The following ARFGEF1 variants were observed in gnomAD, a reference collection of about 807,000 sequenced individuals.
ARFGEF1 encodes brefeldin A-inhibited guanine nucleotide-exchange protein 1.
In ARFGEF1, 42 loss-of-function variants were observed where a neutral mutation model predicts 231.0. The observed-to-expected ratio is 0.18, with a 90% CI of 0.14 to 0.24. ARFGEF1 has a LOEUF of 0.24. ARFGEF1 is among the 10% of genes least tolerant of loss of function. The probability of loss-of-function intolerance (pLI) is 1.00; values close to 1 mark genes in which losing one functional copy is unlikely to be tolerated. For missense variants in ARFGEF1, 1,345 were observed against 2,192.0 expected, an observed-to-expected ratio of 0.61 and a Z score of 7.72; for synonymous variants, 710 against 732.3, an observed-to-expected ratio of 0.97 and a Z score of 0.49.
At chr8:67,338,975 A>C (rs1363197531) in intron 1 of ARFGEF1, among the ~76,000 whole-genome samples, 1 of 152,204 alleles carries the variant, frequency 6.6e-6, no homozygotes, top group African/African-American at 2.4e-5. Flanking sequence ...GCATTCAAGT[A>C]ATTTCCCCTC....
At chr8:67,312,720 C>T (rs1328137243) in intron 1 of ARFGEF1, among the ~76,000 whole-genome samples, 2 of 152,122 alleles carry the variant, frequency 1.3e-5, no homozygotes, top group African/African-American at 4.8e-5. Flanking sequence ...AAAACACTGT[C>T]TTATGTGGTT....
intron 33 of ARFGEF1, among the ~76,000 whole-genome samples, chr8:67,213,305 A>G (rs1248566454): frequency 1.3e-5 from 2 of 152,214 alleles, no homozygotes; most frequent in Non-Finnish European, 2.9e-5. Flanking sequence ...GAACAGTACA[A>G]ATTTGAAAAG....
intron 19 of ARFGEF1, among the ~76,000 whole-genome samples, chr8:67,244,179 G>A (rs561948244): frequency 7.1e-6 from 1 of 141,182 alleles, no homozygotes; most frequent in East Asian, 2.2e-4. Flanking sequence ...GGAGGCGGAG[G>A]TTGCAATGAG....
chr8:67,299,473 A>C (rs1191927332), intron 3 of ARFGEF1, 118 bp from the exon 4 acceptor site: 2 of 940,308 alleles, frequency 2.1e-6, no homozygotes, highest in Non-Finnish European at 3.0e-6. Flanking sequence ...TTTACACAAA[A>C]ACATAAAGGT....
intron 15 of ARFGEF1, among the ~76,000 whole-genome samples, chr8:67,259,278 G>A (rs1840565620): frequency 1.3e-5 from 2 of 152,204 alleles, no homozygotes; most frequent in South Asian, 4.1e-4. Flanking sequence ...CCACGCTGGA[G>A]TGCAGTGGTG....
chr8:67,213,110 G>A (rs1310978290), intron 33 of ARFGEF1, among the ~76,000 whole-genome samples: 3 of 152,120 alleles, frequency 2.0e-5, no homozygotes, highest in South Asian at 4.1e-4. Context: ...GGAGCAACAC[G>A]GGCCCAGCAT....
intron 19 of ARFGEF1, among the ~76,000 whole-genome samples, chr8:67,241,923 CTG>C (rs934019709): frequency 2.6e-5 from 4 of 152,180 alleles, no homozygotes; most frequent in Non-Finnish European, 5.9e-5. Context: ...AGTGCAGCAA[CTG>C]TGAGACTTTA....
chr8:67,275,250 T>G (rs1449520685), intron 9 of ARFGEF1, among the ~76,000 whole-genome samples: 1 of 151,996 alleles, frequency 6.6e-6, no homozygotes, highest in Non-Finnish European at 1.5e-5. Context: ...GCTGCAATAT[T>G]AGAGGTGGGC....
intron 1 of ARFGEF1, among the ~76,000 whole-genome samples, chr8:67,341,149 T>C (rs1230339109): frequency 1.3e-5 from 2 of 152,154 alleles, no homozygotes; most frequent in African/African-American, 4.8e-5. Flanking sequence ...CTCATTCCAG[T>C]AGGCTCTCCA....
intron 4 of ARFGEF1, among the ~76,000 whole-genome samples, chr8:67,297,390 T>C (rs988791547): frequency 4.6e-5 from 7 of 152,178 alleles, no homozygotes; most frequent in African/African-American, 1.4e-4. Context: ...TGAAGAGGTT[T>C]ATAAATGTTT....
At chr8:67,222,212 CATAT>C (rs1194032624) in intron 29 of ARFGEF1, among the ~76,000 whole-genome samples, 1 of 117,898 alleles carries the variant, frequency 8.5e-6, no homozygotes, top group Non-Finnish European at 1.7e-5. Flanking sequence ...TATACACACA[CATAT>C]ATATATATGT....
At chr8:67,218,198 A>AT (rs1204544416) in intron 30 of ARFGEF1, 60 bp from the exon 31 acceptor site, 8 of 207,858 alleles carry the variant, frequency 3.8e-5, no homozygotes, top group African/African-American at 3.3e-4. Flanking sequence ...GATTAAAAAA[A>AT]AAAAAAAAAA....
chr8:67,238,301 GGAA>G (rs1194682512), intron 22 of ARFGEF1, 39 bp downstream of exon 22: 1 of 1,538,114 alleles, frequency 6.5e-7, no homozygotes, highest in Non-Finnish European at 8.8e-7. Flanking sequence ...CTTATAATGA[GGAA>G]GTTAAAAACA....
chr8:67,210,627 G>C (rs1192967498), intron 34 of ARFGEF1, among the ~76,000 whole-genome samples: 1 of 152,172 alleles, frequency 6.6e-6, no homozygotes, highest in Non-Finnish European at 1.5e-5. Flanking sequence ...GCATGCAGAA[G>C]GGGGTGGAGA....
chr8:67,210,234 T>C (rs994549635), intron 34 of ARFGEF1, among the ~76,000 whole-genome samples: 11 of 149,792 alleles, frequency 7.3e-5, no homozygotes, highest in Non-Finnish European at 8.9e-5. Context: ...TCCAAGCATG[T>C]TGGGAAGCTG....
At chr8:67,226,458 A>C (rs574510549) in intron 27 of ARFGEF1, among the ~76,000 whole-genome samples, 1 of 152,290 alleles carries the variant, frequency 6.6e-6, no homozygotes, top group Non-Finnish European at 1.5e-5. Flanking sequence ...TGGTTGAATG[A>C]ATATACAAAA....
chr8:67,233,365 G>A (rs1839615235), intron 22 of ARFGEF1, among the ~76,000 whole-genome samples: 1 of 151,898 alleles, frequency 6.6e-6, no homozygotes, highest in Admixed American at 6.6e-5. Flanking sequence ...AAGGTCAGTT[G>A]AAAATTCTAC....
chr8:67,194,058 G>A (rs1368098193), downstream of ARFGEF1, among the ~76,000 whole-genome samples: 1 of 146,086 alleles, frequency 6.8e-6, no homozygotes, highest in Non-Finnish European at 1.5e-5. Flanking sequence ...GTCAAATAAA[G>A]CTAGTCGTCT....
intron 7 of ARFGEF1, among the ~76,000 whole-genome samples, chr8:67,277,753 G>A (rs746317495): frequency 2.0e-5 from 3 of 152,128 alleles, no homozygotes; most frequent in Non-Finnish European, 4.4e-5. Flanking sequence ...ACTGAACTGG[G>A]TTTTGATGAA....
Sources: gnomAD v4.1 joint callset for allele counts (sites outside exome capture counted in the v4.1 genomes callset) on GRCh38, gnomAD v4.1.1 for gene constraint, MANE v1.5 for transcripts, NCBI Gene and HGNC (gene_info 2026-07-23, HGNC 2026-07-21) for gene names.